Variants in CARMIL1 observed in about 807,000 individuals in gnomAD.
The protein encoded by CARMIL1 is capping protein regulator and myosin 1 linker 1.
Under a neutral mutation model 177.1 loss-of-function variants are expected in CARMIL1, and 90 were observed. The ratio of observed to expected loss-of-function variants is 0.51; its 90% confidence interval spans 0.43 to 0.61. The LOEUF (loss-of-function observed/expected upper bound fraction) is 0.61, where lower values mean the gene tolerates loss of function less well. Among genes scored for constraint, CARMIL1 ranks in the 20% least tolerant of loss-of-function variants. CARMIL1 has a pLI of 0.00. For missense variants in CARMIL1, 1,380 were observed against 1,667.0 expected (o/e 0.83, Z 3.00); for synonymous variants, 577 against 606.2 (o/e 0.95, Z 0.71).
chr6:25,324,824 G>T (rs1211801834), intron 2 of CARMIL1, among the ~76,000 whole-genome samples: 4 of 152,112 alleles, frequency 2.6e-5, no homozygotes, highest in African/African-American at 7.2e-5. Flanking sequence ...TGAGGGAGAA[G>T]GTGTTCCAGG....
In CARMIL1 at chr6:25,556,904, G is replaced by A. The variant is rs189203666; in HGVS notation, c.2742+54G>A. The A allele has an allele frequency of 3.5e-6, 4 of 1,129,712 alleles. No homozygotes were observed. In the African/African-American group the frequency reaches 5.6e-5, roughly 16 times the overall value. The allele number at this position is 1,129,712 out of a possible 1,614,324, so 70.0% of individuals were successfully genotyped here. Reference sequence around the variant, plus strand: ...ACCCTTTTCACTGGACTGTGCCATTGTTTTTTTTTTTTTTTTTAAATCTCA... The same window carrying A: ...ACCCTTTTCACTGGACTGTGCCATTATTTTTTTTTTTTTTTTTAAATCTCA... On this transcript the variant is annotated intron_variant, in intron 29 of 36. Coordinates refer to ENST00000329474, the MANE Select transcript of CARMIL1 (RefSeq NM_017640.6).
At chr6:25,347,505 T>G (rs6456672) in intron 2 of CARMIL1, among the ~76,000 whole-genome samples, 10,729 of 152,264 alleles carry the variant, frequency 0.07, 892 homozygotes, top group African/African-American at 0.19. Context: ...GCAATTCATA[T>G]TTCTGCTTCC....
intron 2 of CARMIL1, among the ~76,000 whole-genome samples, chr6:25,339,399 A>G (rs1786663565): frequency 6.6e-6 from 1 of 152,110 alleles, no homozygotes; most frequent in Non-Finnish European, 1.5e-5. Context: ...ACACAAGGTT[A>G]TTTCTTTAAT....
chr6:25,281,425 C>T (rs1328878544), intron 1 of CARMIL1, among the ~76,000 whole-genome samples: 2 of 151,924 alleles, frequency 1.3e-5, no homozygotes, highest in Non-Finnish European at 2.9e-5. Context: ...AGGAGTTGTC[C>T]TTAAGTCTGG....
intron 2 of CARMIL1, among the ~76,000 whole-genome samples, chr6:25,366,032 T>C (rs1352377342): frequency 6.6e-6 from 1 of 152,146 alleles, no homozygotes; most frequent in Non-Finnish European, 1.5e-5. Context: ...AGTGTCTTGC[T>C]CTGTTGCTCA....
At chr6:25,362,413 G>T (rs1789310941) in intron 2 of CARMIL1, among the ~76,000 whole-genome samples, 1 of 152,216 alleles carries the variant, frequency 6.6e-6, no homozygotes, top group African/African-American at 2.4e-5. Context: ...GGTGGCTCAT[G>T]CCTGTAATCC....
Position 25,387,114 on chromosome 6 carries a change from C to CAAAAAAAAAAAAAAAAAAAA in CARMIL1, c.139-32981_139-32980insAAAAAAAAAAAAAAAAAAAA, listed in dbSNP as rs377548646. ...GGGTGACAGAGTGAGACTCTGTCTC[C>CAAAAAAAAAAAAAAAAAAAA]AAAAAAAAAAAAAAAAAAATCACAA... is the stretch of plus-strand genomic sequence containing the variant. On this transcript the variant is annotated intron_variant, in intron 2 of 36. Coordinates refer to ENST00000329474, the MANE Select transcript of CARMIL1 (RefSeq NM_017640.6). Among the ~76,000 whole-genome samples the CAAAAAAAAAAAAAAAAAAAA allele has an allele frequency of 3.9e-4, 40 of 101,904 alleles. 1 individual carries two copies. The highest frequency in any genetic ancestry group is 1.4e-3 in the African/African-American group (31 of 22,498). The allele number at this position is 101,904 out of a possible 152,430, so 66.9% of individuals were successfully genotyped here. A position where few individuals can be genotyped will look rare whatever the true frequency, so the allele number is the denominator to read the frequency against.
chr6:25,608,467 C>T (rs1019111940), intron 35 of CARMIL1, among the ~76,000 whole-genome samples: 1 of 151,984 alleles, frequency 6.6e-6, no homozygotes, highest in Non-Finnish European at 1.5e-5. Flanking sequence ...GGATTGTATC[C>T]CATGTGGATA....
intron 31 of CARMIL1, among the ~76,000 whole-genome samples, chr6:25,582,294 C>G (rs974758834): frequency 2.0e-5 from 3 of 152,178 alleles, no homozygotes; most frequent in Non-Finnish European, 4.4e-5. Flanking sequence ...CCGTTGATCT[C>G]TGAGTCATCA....
At chr6:25,542,659 T>C (rs1809037503) in intron 26 of CARMIL1, among the ~76,000 whole-genome samples, 1 of 152,146 alleles carries the variant, frequency 6.6e-6, no homozygotes, top group Non-Finnish European at 1.5e-5. Flanking sequence ...GAGAAAATCC[T>C]CAACTAAAAC....
At chr6:25,321,503 T>G (rs1784668131) in intron 2 of CARMIL1, among the ~76,000 whole-genome samples, 2 of 152,170 alleles carry the variant, frequency 1.3e-5, no homozygotes, top group South Asian at 4.1e-4. Flanking sequence ...TTACAGCCTC[T>G]GATACTTTAC....
At chr6:25,340,777 GTTTTTTTTTTT>G (rs34928775) in intron 2 of CARMIL1, among the ~76,000 whole-genome samples, 26 of 86,134 alleles carry the variant, frequency 3.0e-4, no homozygotes, top group African/African-American at 4.8e-4. Flanking sequence ...GTCAATGAAG[GTTTTTTTTTTT>G]TTTTTTTTTT....
chr6:25,474,732 A>G (rs905052955), intron 11 of CARMIL1, among the ~76,000 whole-genome samples: 3 of 152,246 alleles, frequency 2.0e-5, no homozygotes, highest in African/African-American at 7.2e-5. Context: ...ATTAGATACT[A>G]CAGAGAGGTG....
intron 5 of CARMIL1, among the ~76,000 whole-genome samples, chr6:25,441,337 A>ATATATATATATATATGTGTGTGTG: frequency 1.4e-4 from 13 of 94,532 alleles, no homozygotes; most frequent in African/African-American, 3.1e-4. Context: ...ATATATATAT[A>ATATATATATATATATGTGTGTGTG]TGTGTGTGTG....
intron 2 of CARMIL1, among the ~76,000 whole-genome samples, chr6:25,360,236 T>C (rs1032779692): frequency 1.3e-5 from 2 of 152,296 alleles, no homozygotes; most frequent in Middle Eastern, 3.4e-3. Context: ...CTTCCATCAG[T>C]TTTAAAAGGA....
intron 35 of CARMIL1, among the ~76,000 whole-genome samples, chr6:25,608,058 A>G (rs1316438641): frequency 6.6e-6 from 1 of 152,224 alleles, no homozygotes; most frequent in Non-Finnish European, 1.5e-5. Flanking sequence ...AGCAAAGCAA[A>G]TAAGTACTCA....
At chr6:25,343,553 C>T (rs368362680) in intron 2 of CARMIL1, among the ~76,000 whole-genome samples, 6 of 152,086 alleles carry the variant, frequency 3.9e-5, no homozygotes, top group South Asian at 2.1e-4. Flanking sequence ...GTCTTATTCC[C>T]GTTTATGTCA....
At chr6:25,469,806 C>A in intron 9 of CARMIL1, among the ~76,000 whole-genome samples, 1 of 152,168 alleles carries the variant, frequency 6.6e-6, no homozygotes, top group East Asian at 1.9e-4. Context: ...CTCAAGTAAT[C>A]TGCCTTCCTC....
chr6:25,556,214 CTTAT>C (rs1810597732), intron 28 of CARMIL1, among the ~76,000 whole-genome samples: 1 of 152,156 alleles, frequency 6.6e-6, no homozygotes, highest in Non-Finnish European at 1.5e-5. Context: ...TATTCTACCT[CTTAT>C]TTAATTTTTT....
Sources: allele counts gnomAD v4.1 joint callset (sites outside exome capture counted in the v4.1 genomes callset), GRCh38; gene constraint gnomAD v4.1.1; transcripts MANE v1.5; gene names NCBI Gene and HGNC (gene_info 2026-07-23, HGNC 2026-07-21).